Variants in KLC1 observed in about 807,000 individuals in gnomAD.
KLC1 encodes the protein kinesin 2 60/70kDa.
In KLC1, 30 loss-of-function variants were observed where a neutral mutation model predicts 84.2. The ratio of observed to expected loss-of-function variants is 0.36; its 90% CI spans 0.27 to 0.48. KLC1 has a LOEUF of 0.48. KLC1 is among the 20% of genes least tolerant of loss of function. KLC1 has a pLI of 0.99. For synonymous variants in KLC1, 289 were observed against 293.3 expected (o/e 0.99, Z 0.15); for missense variants, 499 against 805.4 (o/e 0.62, Z 4.60).
chr14:103,685,806 G>T (rs1337616256), intron 13 of KLC1: 16 of 1,208,940 alleles, frequency 1.3e-5, no homozygotes, highest in Non-Finnish European at 1.4e-5. Flanking sequence ...TGTCCTTTTT[G>T]GGGGGGTTCC....
At position 103,651,761 on chromosome 14, in the gene KLC1, C is replaced by T. The variant is rs561654955; in HGVS notation, c.-1-2803C>T. 2.6e-5 allele frequency among the ~76,000 whole-genome samples: 4 copies of T among 152,318 alleles called. No individual in the cohort carries two copies. In the East Asian group the frequency reaches 7.7e-4, roughly 29 times the overall value. ...GCCGTCACACCTCTGCCTCAGCTCC[C>T]CTTTGCTGCCGGGCTGGCAGTGCCC... On this transcript the variant is annotated intron_variant, in intron 1 of 16. Coordinates refer to ENST00000334553, the MANE Select transcript of KLC1 (RefSeq NM_001394837.1).
intron 15 of KLC1, chr14:103,695,339 GTATATATATA>G (rs56377187): frequency 1.6e-4 from 61 of 379,804 alleles, no homozygotes; most frequent in Non-Finnish European, 2.0e-4. Context: ...GTGTGTGTGT[GTATATATATA>G]TATATATATA....
intron 7 of KLC1, among the ~76,000 whole-genome samples, chr14:103,672,767 A>G (rs745367860): frequency 3.3e-5 from 5 of 152,224 alleles, no homozygotes; most frequent in Non-Finnish European, 5.9e-5. Flanking sequence ...ACCATGAAGG[A>G]TTACTACAGT....
In KLC1 at chr14:103,699,603, G is replaced by A. The variant is rs192870310; in HGVS notation, c.1849-1052G>A. ...TGTGGGGACAGCTGTCATTGTCTAT[G>A]CTGGTCAGCAAGTCCCCGCCCCAGG... On this transcript the variant is annotated intron_variant, in intron 15 of 16. Transcript: ENST00000334553. 1.9e-6 allele frequency: 3 copies of A among 1,611,386 alleles called. No individual in the cohort carries two copies. In the African/African-American group the frequency reaches 4.0e-5, roughly 21 times the overall value.
chr14:103,699,321 TA>T, intron 15 of KLC1: 1 of 1,560,332 alleles, frequency 6.4e-7, no homozygotes. Flanking sequence ...GCATCCTGGC[TA>T]AAAATACGAG....
At chr14:103,671,064 G>A (rs184178935) in intron 7 of KLC1, among the ~76,000 whole-genome samples, 1 of 152,246 alleles carries the variant, frequency 6.6e-6, no homozygotes, top group East Asian at 1.9e-4. Flanking sequence ...GAGATGGAAA[G>A]CCTGGGAGCA....
intron 1 of KLC1, among the ~76,000 whole-genome samples, chr14:103,646,576 T>A (rs2077948145): frequency 6.6e-6 from 1 of 152,220 alleles, no homozygotes; most frequent in Admixed American, 6.6e-5. Flanking sequence ...AGTGGCACAG[T>A]CATGGCTCAC....
intron 1 of KLC1, among the ~76,000 whole-genome samples, chr14:103,639,115 A>G (rs530082012): frequency 1.8e-4 from 27 of 152,338 alleles, no homozygotes; most frequent in African/African-American, 6.5e-4. Context: ...ATAAAATATT[A>G]CACATTTGAA....
At chr14:103,679,616 T>C (rs1202692674) in intron 13 of KLC1, 71 bp downstream of exon 13, 1 of 1,147,072 alleles carries the variant, frequency 8.7e-7, no homozygotes, top group Non-Finnish European at 1.3e-6. Context: ...GCCTTCCTCC[T>C]GTCTCATGTG....
rs2080820820 is a variant in KLC1 at position 103,675,776 on chromosome 14, T to C, written c.1379+20T>C. On this transcript the variant is annotated intron_variant, in intron 11 of 16. Coordinates refer to ENST00000334553, the MANE Select transcript of KLC1 (RefSeq NM_001394837.1). ...TGATAGGTATGTCTGGAATTGCGTT[T>C]GGCTGGAAAAACCAAAAAGCAGGGG... The C allele has an allele frequency of 6.2e-7, 1 of 1,611,446 alleles. No homozygotes were observed.
chr14:103,666,729 G>C (rs1252824339), intron 5 of KLC1, among the ~76,000 whole-genome samples: 2 of 148,376 alleles, frequency 1.3e-5, no homozygotes, highest in East Asian at 4.0e-4. Context: ...CTCCCAAAGT[G>C]CTGGGATTAC....
chr14:103,645,762 C>CT (rs34476127), intron 1 of KLC1, among the ~76,000 whole-genome samples: 48,178 of 145,480 alleles, frequency 0.33, 8,248 homozygotes, highest in Middle Eastern at 0.42. Context: ...TGTTACAATC[C>CT]TTTTTTTTTT....
At position 103,693,739 on chromosome 14, in the gene KLC1, C is replaced by T. The variant is rs929283054; in HGVS notation, c.1848+1314C>T. On this transcript the variant is annotated intron_variant, in intron 15 of 16. Coordinates refer to ENST00000334553, the MANE Select transcript of KLC1 (RefSeq NM_001394837.1). This position sits in a 1 kb window ranked among gnomAD's most constrained non-coding sequence, Gnocchi z 5.1. Reference sequence around the variant, plus strand: ...CTTGGCTTCCTTTCCTAGATAGTGACGTCCACCAACCTTGGAGGTGCCTTT... The same window carrying T: ...CTTGGCTTCCTTTCCTAGATAGTGATGTCCACCAACCTTGGAGGTGCCTTT... The T allele has an allele frequency of 1.6e-5, 24 of 1,454,860 alleles. No homozygotes were observed. The highest frequency in any genetic ancestry group is 5.0e-4 in the Middle Eastern group (2 of 4,000). 90.1% of individuals were successfully genotyped at this position (1,454,860 alleles called of 1,614,324 possible).
Position 103,629,508 on chromosome 14 carries a change from G to C in KLC1, c.-2+14G>C, listed in dbSNP as rs1371879645. 6.6e-6 allele frequency: 1 copy of C among 152,434 alleles called. No individual in the cohort carries two copies. Among genetic ancestry groups the C allele is most frequent in the Non-Finnish European group, 1.5e-5 (1 of 68,294 alleles). The allele number at this position is 152,434 out of a possible 1,614,324, so 9.4% of individuals were successfully genotyped here. A position where few individuals can be genotyped will look rare whatever the true frequency, so the allele number is the denominator to read the frequency against. ...AGGAGCAAGGCGGTGAGTCCCCGGC[G>C]TGCGCCCCGGACCGCGGCCCCCTCC... On this transcript the variant is annotated intron_variant, in intron 1 of 16. Transcript: ENST00000334553.
intron 2 of KLC1, among the ~76,000 whole-genome samples, chr14:103,657,040 T>TA (rs1236243892): frequency 6.6e-6 from 1 of 152,190 alleles, no homozygotes; most frequent in African/African-American, 2.4e-5. Flanking sequence ...AGTGCATTCT[T>TA]ACTCTTGGTG....
At chr14:103,668,223 A>T (rs987913677) in intron 5 of KLC1, among the ~76,000 whole-genome samples, 18 of 152,352 alleles carry the variant, frequency 1.2e-4, no homozygotes, top group African/African-American at 4.3e-4. Context: ...CTCAGACACT[A>T]GAATTAATTC....
At chr14:103,698,639 GCCA>G in intron 15 of KLC1, 2 of 705,950 alleles carry the variant, frequency 2.8e-6, no homozygotes, top group East Asian at 2.7e-5. Flanking sequence ...TCAGTCTGTG[GCCA>G]CCATCTTCGG....
chr14:103,701,031 G>A (rs1013645678), intron 16 of KLC1, among the ~76,000 whole-genome samples, 170 bp from the exon 17 acceptor site: 5 of 152,216 alleles, frequency 3.3e-5, no homozygotes, highest in Admixed American at 1.3e-4. Context: ...GACCAAAGAC[G>A]CACCAGTCCC....
intron 1 of KLC1, among the ~76,000 whole-genome samples, chr14:103,632,144 T>A (rs747899861): frequency 1.3e-5 from 2 of 152,104 alleles, no homozygotes; most frequent in Non-Finnish European, 2.9e-5. Context: ...TAATCTTAAC[T>A]CTTTGGGAGG....
Sources: allele counts gnomAD v4.1 joint callset (sites outside exome capture counted in the v4.1 genomes callset), GRCh38; gene constraint gnomAD v4.1.1; non-coding constraint Gnocchi (gnomAD v3.1); transcripts MANE v1.5; gene names NCBI Gene and HGNC (gene_info 2026-07-23, HGNC 2026-07-21).